Variants in SRGAP2B observed in about 807,000 individuals in gnomAD.
SRGAP2B encodes SLIT-ROBO Rho GTPase activating protein 2B, also known as SLIT-ROBO Rho GTPase-activating protein 2B.
Under a neutral mutation model 22.2 loss-of-function variants are expected in SRGAP2B, and 9 were observed. The observed-to-expected ratio is 0.41, with a 90% CI of 0.24 to 0.71. SRGAP2B has a LOEUF of 0.71. Among genes scored for constraint, SRGAP2B ranks in the 30% least tolerant of loss-of-function variants. The probability of loss-of-function intolerance (pLI) is 0.35; values close to 1 mark genes in which losing one functional copy is unlikely to be tolerated. For missense variants in SRGAP2B, 114 were observed against 235.8 expected (o/e 0.48, Z 3.38); for synonymous variants, 36 against 87.4 (o/e 0.41, Z 3.28).
chr1:144,960,537 C>T (rs1289299493), intron 3 of SRGAP2B, among the ~76,000 whole-genome samples: 4 of 150,332 alleles, frequency 2.7e-5, no homozygotes, highest in Admixed American at 6.6e-5. Flanking sequence ...TAGCAACAAG[C>T]GCTTAAAGGG....
chr1:144,902,894 T>C (rs1250998369), intron 7 of SRGAP2B, among the ~76,000 whole-genome samples: 1 of 72,148 alleles, frequency 1.4e-5, no homozygotes, highest in Non-Finnish European at 2.6e-5. Flanking sequence ...CACCACATCC[T>C]GTGAAATTAG....
chr1:144,995,100 C>G (rs1553618239), exon 3 of SRGAP2B: 1 of 1,489,582 alleles, frequency 6.7e-7, no homozygotes, highest in Non-Finnish European at 9.0e-7. Flanking sequence ...CAATCTCTGC[C>G]TTCTTTCGGA....
intron 3 of SRGAP2B, among the ~76,000 whole-genome samples, chr1:144,956,373 C>A (rs1553610314): frequency 1.5e-5 from 2 of 134,820 alleles, no homozygotes; most frequent in Non-Finnish European, 3.1e-5. Flanking sequence ...CATACCTGAA[C>A]ATGTGTTCCT....
chr1:144,965,299 G>C (rs1486566848), intron 3 of SRGAP2B, among the ~76,000 whole-genome samples: 1 of 146,126 alleles, frequency 6.8e-6, no homozygotes, highest in Non-Finnish European at 1.5e-5. Flanking sequence ...ATCTGAGAAC[G>C]GGCAGACTGC....
chr1:144,981,108 C>A lies in SRGAP2B; in HGVS notation c.260+13900G>T, dbSNP rs1275695885. Among the ~76,000 whole-genome samples, 20 of 150,440 alleles carry A rather than the reference C, an allele frequency of 1.3e-4. No homozygotes were observed. In the South Asian group the frequency reaches 1.7e-3, roughly 13 times the overall value. The stretch of plus-strand genomic sequence containing the variant: ...GTCTTTTCTTCTTATCTTGTAAACC[C>A]TTCCCACTTAACACAGTCAGCTCCC... On this transcript the variant is annotated intron_variant, in intron 3 of 9. Transcript: ENST00000612199.
chr1:145,073,175 T>C (rs1553633765), intron 2 of SRGAP2B, among the ~76,000 whole-genome samples: 1 of 150,432 alleles, frequency 6.6e-6, no homozygotes, highest in Non-Finnish European at 1.5e-5. Flanking sequence ...GGTAAGAAGC[T>C]GCAAAAGGAG....
intron 3 of SRGAP2B, among the ~76,000 whole-genome samples, chr1:144,987,898 A>G (rs1477021026): frequency 1.3e-5 from 2 of 151,018 alleles, no homozygotes; most frequent in African/African-American, 4.9e-5. Context: ...AGGTCTCATC[A>G]CTGTACTACT....
intron 3 of SRGAP2B, among the ~76,000 whole-genome samples, chr1:144,966,933 G>C (rs369949583): frequency 7.0e-6 from 1 of 142,220 alleles, no homozygotes; most frequent in African/African-American, 2.9e-5. Context: ...TTCAACAAGA[G>C]GAGCTAACTA....
chr1:144,930,545 C>G (rs587679214), intron 4 of SRGAP2B, among the ~76,000 whole-genome samples: 2 of 148,246 alleles, frequency 1.3e-5, no homozygotes, highest in African/African-American at 5.2e-5. Context: ...AAAATTGGCA[C>G]GTATAAAAGC....
chr1:144,920,260 TTTTCTTTTCTTTC>T (rs1183624921), intron 4 of SRGAP2B, among the ~76,000 whole-genome samples: 1 of 150,858 alleles, frequency 6.6e-6, no homozygotes, highest in Non-Finnish European at 1.5e-5. Flanking sequence ...TATCTTCTTT[TTTTCTTTTCTTTC>T]TTTCTTTTTA....
chr1:144,988,489 T>C (rs1209404831), intron 3 of SRGAP2B, among the ~76,000 whole-genome samples: 1 of 149,832 alleles, frequency 6.7e-6, no homozygotes, highest in Non-Finnish European at 1.5e-5. Context: ...CTTTCCCACC[T>C]TACCTTCTAC....
chr1:144,995,895 T>C (rs1200401755), intron 2 of SRGAP2B, among the ~76,000 whole-genome samples: 1 of 150,972 alleles, frequency 6.6e-6, no homozygotes, highest in East Asian at 1.9e-4. Flanking sequence ...CATCACAGAA[T>C]GAAAATCATT....
In SRGAP2B at chr1:144,905,784, T is replaced by A. The variant is rs1662945032; in HGVS notation, c.702+75A>T. ...TTCCTCGTCTGCTCTTCCCAGTGACTGTTGGGAAATTCCTATCAGCCATGC... is the reference window on the plus strand; with the variant it reads ...TTCCTCGTCTGCTCTTCCCAGTGACAGTTGGGAAATTCCTATCAGCCATGC... On this transcript the variant is annotated intron_variant, in intron 6 of 9. Coordinates refer to ENST00000612199, the Ensembl canonical transcript of SRGAP2B. The A allele has an allele frequency of 2.8e-6, 2 of 709,016 alleles. 1 individual carries two copies. Among genetic ancestry groups the A allele is most frequent in the African/African-American group, 3.9e-5 (2 of 50,934 alleles). The allele number at this position is 709,016 out of a possible 1,614,324, so 43.9% of individuals were successfully genotyped here.
chr1:145,021,831 A>G (rs1302574951), intron 2 of SRGAP2B, among the ~76,000 whole-genome samples: 1 of 144,104 alleles, frequency 6.9e-6, no homozygotes, highest in Non-Finnish European at 1.5e-5. Flanking sequence ...AAAAAAAAAA[A>G]AGAGTGATAG....
Position 144,938,798 on chromosome 1 carries a change from G to GT in SRGAP2B, c.423+16640dup, listed in dbSNP as rs1665823825. On this transcript the variant is annotated intron_variant, in intron 4 of 9. Transcript: ENST00000612199. Reference sequence around the variant, plus strand: ...GTGCCTGGAACATGGGAGGCACACTGTAAATATCTGCTGAATGACTAAGTG... The same window carrying GT: ...GTGCCTGGAACATGGGAGGCACACTGTTAAATATCTGCTGAATGACTAAGTG... Among the ~76,000 whole-genome samples the GT allele has an allele frequency of 8.5e-5, 10 of 118,248 alleles. No homozygotes were observed. The South Asian group carries it at 3.3e-3, about 39-fold the overall frequency. 77.6% of individuals were successfully genotyped at this position (118,248 alleles called of 152,430 possible).
intron 2 of SRGAP2B, among the ~76,000 whole-genome samples, chr1:145,058,140 C>A (rs1435734307): frequency 6.7e-6 from 1 of 149,686 alleles, no homozygotes; most frequent in Non-Finnish European, 1.5e-5. Flanking sequence ...GTTCCTAGGA[C>A]CTGTGTGACC....
intron 2 of SRGAP2B, among the ~76,000 whole-genome samples, chr1:145,016,950 G>T (rs1441324410): frequency 2.1e-5 from 3 of 144,028 alleles, no homozygotes; most frequent in African/African-American, 8.0e-5. Flanking sequence ...CCGGGTTCAA[G>T]TTTTTTTTGT....
At chr1:144,925,795 GGA>G (rs1326058769) in intron 4 of SRGAP2B, among the ~76,000 whole-genome samples, 1 of 71,258 alleles carries the variant, frequency 1.4e-5, no homozygotes, top group East Asian at 4.1e-4. Context: ...AAGAAAGAAA[GGA>G]GAGAGAAAGA....
intron 4 of SRGAP2B, among the ~76,000 whole-genome samples, chr1:144,928,953 C>G (rs1488333092): frequency 6.7e-6 from 1 of 148,436 alleles, no homozygotes; most frequent in Non-Finnish European, 1.5e-5. Flanking sequence ...CCTCCATACC[C>G]TCTCCAAAAC....
Sources: gnomAD v4.1 joint callset for allele counts (sites outside exome capture counted in the v4.1 genomes callset) on GRCh38, gnomAD v4.1.1 for gene constraint, MANE v1.5 for transcripts, NCBI Gene and HGNC (gene_info 2026-07-23, HGNC 2026-07-21) for gene names.